TMEM117: variants seen among roughly 807,000 people sequenced by gnomAD.
TMEM117 encodes transmembrane protein 117.
Under a neutral mutation model 52.4 loss-of-function variants are expected in TMEM117, and 27 were observed. That is an observed-to-expected ratio of 0.51 (90% CI 0.38 to 0.71). The LOEUF (loss-of-function observed/expected upper bound fraction) is 0.71, where lower values mean the gene tolerates loss of function less well. TMEM117 is among the 30% of genes least tolerant of loss of function. The pLI is 0.00. For synonymous variants in TMEM117, 215 were observed against 206.3 expected (o/e 1.04, Z -0.36); for missense variants, 556 against 630.5 (o/e 0.88, Z 1.26).
chr12:43,996,412 G>A (rs1272763074), intron 3 of TMEM117, among the ~76,000 whole-genome samples: 4 of 152,112 alleles, frequency 2.6e-5, no homozygotes, highest in Non-Finnish European at 5.9e-5. Context: ...GGGAGGCCGA[G>A]GTGGGCAGAT....
At chr12:44,246,279 T>C (rs559980080) in intron 5 of TMEM117, among the ~76,000 whole-genome samples, 1 of 152,320 alleles carries the variant, frequency 6.6e-6, no homozygotes, top group African/African-American at 2.4e-5. Context: ...TAAGATATTC[T>C]GGGTTTTATT....
At chr12:43,981,591 A>G (rs1405411840) in intron 3 of TMEM117, among the ~76,000 whole-genome samples, 1 of 152,190 alleles carries the variant, frequency 6.6e-6, no homozygotes, top group East Asian at 1.9e-4. Context: ...TATAGATAAG[A>G]TTTCTGCTTT....
At chr12:44,320,054 G>A (rs988788419) in intron 6 of TMEM117, among the ~76,000 whole-genome samples, 1 of 152,148 alleles carries the variant, frequency 6.6e-6, no homozygotes, top group African/African-American at 2.4e-5. Flanking sequence ...TTCAGACCTG[G>A]ATATCTAACT....
chr12:44,344,473 G>A (rs1357651392), intron 6 of TMEM117, among the ~76,000 whole-genome samples: 3 of 152,006 alleles, frequency 2.0e-5, no homozygotes. Flanking sequence ...CTCAAATCAT[G>A]TACCTGGTCC....
intron 7 of TMEM117, among the ~76,000 whole-genome samples, chr12:44,377,071 A>T (rs115433245): frequency 4.6e-5 from 7 of 152,320 alleles, no homozygotes; most frequent in African/African-American, 1.4e-4. Context: ...TAACTGGTAC[A>T]TAGCCCTACT....
chr12:43,920,683 T>C (rs1156667884), intron 2 of TMEM117, among the ~76,000 whole-genome samples: 1 of 151,238 alleles, frequency 6.6e-6, no homozygotes, highest in East Asian at 2.0e-4. Flanking sequence ...GCCTCCTGAG[T>C]AGCTGGCACC....
At chr12:44,191,432 T>C (rs1949352598) in intron 4 of TMEM117, among the ~76,000 whole-genome samples, 1 of 152,140 alleles carries the variant, frequency 6.6e-6, no homozygotes, top group Admixed American at 6.6e-5. Context: ...TATATACATA[T>C]AGCTGTATAT....
chr12:44,387,018 A>G (rs573705074), intron 7 of TMEM117, among the ~76,000 whole-genome samples: 1 of 152,146 alleles, frequency 6.6e-6, no homozygotes, highest in South Asian at 2.1e-4. Flanking sequence ...TAAAATTATT[A>G]TAACTAAAGC....
intron 4 of TMEM117, among the ~76,000 whole-genome samples, chr12:44,210,045 A>G (rs1949624203): frequency 6.6e-6 from 1 of 152,180 alleles, no homozygotes; most frequent in Non-Finnish European, 1.5e-5. Context: ...CTCAAATGCA[A>G]TGATAAAGCT....
chr12:44,073,339 G>T (rs1302281685), intron 3 of TMEM117, among the ~76,000 whole-genome samples: 1 of 152,008 alleles, frequency 6.6e-6, no homozygotes, highest in Non-Finnish European at 1.5e-5. Context: ...CCTTCCTATT[G>T]GCTGGGTGAA....
intron 2 of TMEM117, among the ~76,000 whole-genome samples, chr12:43,887,677 A>C (rs1245153756): frequency 1.3e-5 from 2 of 152,318 alleles, no homozygotes; most frequent in South Asian, 4.1e-4. Flanking sequence ...GGATGGAAAA[A>C]AATTCAGCAG....
At chr12:44,024,473 G>A (rs1946501672) in intron 3 of TMEM117, among the ~76,000 whole-genome samples, 1 of 152,086 alleles carries the variant, frequency 6.6e-6, no homozygotes, top group African/African-American at 2.4e-5. Flanking sequence ...TAAGAAACAA[G>A]AGCAGGGGGA....
intron 4 of TMEM117, among the ~76,000 whole-genome samples, chr12:44,145,063 A>G (rs1233945645): frequency 2.0e-5 from 3 of 152,208 alleles, no homozygotes; most frequent in Admixed American, 6.5e-5. Flanking sequence ...AGGCTGAGGC[A>G]GGAGAATGGC....
the TMEM117 span, among the ~76,000 whole-genome samples, chr12:43,808,289 G>A: frequency 6.6e-6 from 1 of 152,192 alleles, no homozygotes; most frequent in African/African-American, 2.4e-5. Flanking sequence ...CAAATTGACA[G>A]GGTTGTAGCT....
At chr12:44,190,857 CTATA>C (rs1565572828) in intron 4 of TMEM117, among the ~76,000 whole-genome samples, 1 of 148,338 alleles carries the variant, frequency 6.7e-6, no homozygotes, top group East Asian at 2.0e-4. Flanking sequence ...CACTCTCTCT[CTATA>C]TATAGAGAGA....
intron 4 of TMEM117, among the ~76,000 whole-genome samples, chr12:44,172,445 G>A (rs1363484859): frequency 6.6e-6 from 1 of 152,138 alleles, no homozygotes; most frequent in African/African-American, 2.4e-5. Context: ...TTCTCGCTGT[G>A]TGTCTCTGTG....
chr12:44,129,041 G>C (rs1375995071), intron 3 of TMEM117, among the ~76,000 whole-genome samples: 1 of 152,164 alleles, frequency 6.6e-6, no homozygotes, highest in Non-Finnish European at 1.5e-5. Flanking sequence ...CTTCATGTGT[G>C]TCTTACTGTT....
intron 3 of TMEM117, among the ~76,000 whole-genome samples, chr12:44,029,969 C>A (rs1946608039): frequency 6.6e-6 from 1 of 152,170 alleles, no homozygotes; most frequent in African/African-American, 2.4e-5. Flanking sequence ...ATTTAGGGTT[C>A]AATTCCTGGT....
At chr12:43,818,479 C>T in the TMEM117 span, among the ~76,000 whole-genome samples, 81 of 148,544 alleles carry the variant, frequency 5.5e-4, no homozygotes, top group African/African-American at 2.0e-3. Flanking sequence ...CGCGCTCTGT[C>T]GCCTGGACTG....
Sources: allele counts gnomAD v4.1 joint callset (sites outside exome capture counted in the v4.1 genomes callset), GRCh38; gene constraint gnomAD v4.1.1; transcripts MANE v1.5; gene names NCBI Gene and HGNC (gene_info 2026-07-23, HGNC 2026-07-21).